The following REG4 variants were observed in gnomAD, a reference collection of about 807,000 sequenced individuals.
REG4 encodes regenerating islet-derived protein 4.
Under a neutral mutation model 22.3 loss-of-function variants are expected in REG4, and 16 were observed. That is an observed-to-expected ratio of 0.72 (90% CI 0.49 to 1.09). The LOEUF is 1.09. REG4 is among the 50% of genes least tolerant of loss of function. REG4 has a pLI of 0.00. For missense variants in REG4, 214 were observed against 193.9 expected (o/e 1.10, Z -0.61); for synonymous variants, 71 against 69.2 (o/e 1.03, Z -0.13).
At chr1:119,808,167 T>C (rs1368036976) in intron 2 of REG4, among the ~76,000 whole-genome samples, 3 of 152,232 alleles carry the variant, frequency 2.0e-5, no homozygotes, top group Non-Finnish European at 4.4e-5. Flanking sequence ...TCTTCTTAGC[T>C]CACTCGTACA....
intron 4 of REG4, among the ~76,000 whole-genome samples, chr1:119,799,191 C>G (rs138981411): frequency 1.3e-3 from 201 of 152,018 alleles, no homozygotes; most frequent in African/African-American, 4.6e-3. Flanking sequence ...GACCCCACAC[C>G]TAGACCTCAT....
chr1:119,795,811 G>A (rs1356161770), intron 5 of REG4, among the ~76,000 whole-genome samples: 1 of 152,254 alleles, frequency 6.6e-6, no homozygotes, highest in African/African-American at 2.4e-5. Flanking sequence ...CAAGCTTGTG[G>A]GTACTTTCAC....
intron 2 of REG4, among the ~76,000 whole-genome samples, chr1:119,805,285 C>T (rs1428882189): frequency 2.0e-5 from 3 of 152,096 alleles, no homozygotes; most frequent in Non-Finnish European, 2.9e-5. Context: ...GGGACAGCTG[C>T]GAAAACATGC....
Position 119,799,755 on chromosome 1 carries a change from C to T in REG4, c.273G>A (p.Pro91=), listed in dbSNP as rs587773650. 20 of 1,614,100 alleles carry T rather than the reference C, an allele frequency of 1.2e-5. No homozygotes were observed. Among genetic ancestry groups the T allele is most frequent in the East Asian group, 1.1e-4 (5 of 44,882 alleles). The change falls in exon 4 of 6, where the codon CCG becomes CCA. Residue 91 remains proline, a synonymous_variant. Transcript: ENST00000256585. ...EYISGYQRSQ[P]IWIGLHDPQK... is the part of the protein sequence containing the mutation. ...GTGGGTCGTGCAGGCCAATCCATAT[C>T]GGCTGGCTTCTCTGATAGCCACTTA...
At chr1:119,796,668 G>T (rs1393172016) in intron 5 of REG4, among the ~76,000 whole-genome samples, 2 of 152,146 alleles carry the variant, frequency 1.3e-5, no homozygotes, top group African/African-American at 4.8e-5. Flanking sequence ...TCAAATCCTT[G>T]CTTCATTCCT....
At chr1:119,799,006 T>C (rs979721954) in intron 4 of REG4, among the ~76,000 whole-genome samples, 1 of 152,142 alleles carries the variant, frequency 6.6e-6, no homozygotes, top group African/African-American at 2.4e-5. Flanking sequence ...CCATAAGATG[T>C]TTATAGACAA....
intron 2 of REG4, among the ~76,000 whole-genome samples, chr1:119,808,256 A>T (rs1197461639): frequency 6.6e-6 from 1 of 152,076 alleles, no homozygotes; most frequent in Non-Finnish European, 1.5e-5. Flanking sequence ...TTTGCACTTG[A>T]TGTGTGATCT....
In REG4 at chr1:119,804,830, T is replaced by C. The variant is rs1654242728; in HGVS notation, c.68-1665A>G. Among the ~76,000 whole-genome samples, 6 of 152,296 alleles carry C rather than the reference T, an allele frequency of 3.9e-5. No homozygotes were observed. The South Asian group carries it at 1.2e-3, about 32-fold the overall frequency. ...CTGTGACTGTTTTCTGCTCTCATTC[T>C]TTTTTCTCCCCCTCCTCCTTCCTCA... On this transcript the variant is annotated intron_variant, in intron 2 of 5. Coordinates refer to ENST00000256585, the MANE Select transcript of REG4 (RefSeq NM_032044.4).
intron 3 of REG4, chr1:119,802,215 T>A: frequency 2.0e-6 from 1 of 493,328 alleles, no homozygotes; most frequent in Non-Finnish European, 2.6e-6. Flanking sequence ...TGTCAGTTAC[T>A]CTCAGTGTAA....
chr1:119,808,428 AT>A (rs1400396791), intron 2 of REG4, among the ~76,000 whole-genome samples: 1 of 152,238 alleles, frequency 6.6e-6, no homozygotes, highest in Non-Finnish European at 1.5e-5. Flanking sequence ...TTTCAAACAC[AT>A]TATCTCTGCC....
At position 119,799,960 on chromosome 1, in the gene REG4, G is replaced by A; in HGVS notation, c.166-98C>T. The stretch of plus-strand genomic sequence containing the variant: ...GTGCCAAGAAGGAGGGACTCACGCA[G>A]CCCCCACTTCCTCCACACATCGTGC... On this transcript the variant is annotated intron_variant, in intron 3 of 5. Transcript: ENST00000256585. 4 of 1,452,100 alleles carry A rather than the reference G, an allele frequency of 2.8e-6. No individual in the cohort carries two copies. In the East Asian group the frequency reaches 6.9e-5, roughly 25 times the overall value. The allele number at this position is 1,452,100 out of a possible 1,614,324, so 90.0% of individuals were successfully genotyped here.
chr1:119,811,396 C>T lies in REG4; in HGVS notation c.-95+13G>A, dbSNP rs2298069. Reference sequence around the variant, plus strand: ...AAAGAAAGTCCCCCATCATCAACCGCGAGGAGGATTACCTGTTTGGCAACC... The same window carrying T: ...AAAGAAAGTCCCCCATCATCAACCGTGAGGAGGATTACCTGTTTGGCAACC... On this transcript the variant is annotated intron_variant, in intron 1 of 5. Coordinates refer to ENST00000256585, the MANE Select transcript of REG4 (RefSeq NM_032044.4). The T allele has an allele frequency of 0.15, 22,410 of 152,118 alleles. 1,766 individuals are homozygous for T. The highest frequency in any genetic ancestry group is 0.25 in the South Asian group (1,190 of 4,816). The allele number at this position is 152,118 out of a possible 1,614,324, so 9.4% of individuals were successfully genotyped here. A position where few individuals can be genotyped will look rare whatever the true frequency, so the allele number is the denominator to read the frequency against.
chr1:119,798,396 T>C (rs2101067019), intron 5 of REG4, 101 bp downstream of exon 5: 1 of 853,194 alleles, frequency 1.2e-6, no homozygotes, highest in East Asian at 2.4e-5. Flanking sequence ...TGGTGTGGAA[T>C]GAGGAGGGCA....
In REG4 at chr1:119,799,826, C is replaced by G; in HGVS notation, c.202G>C (p.Ala68Pro). ...CQSYGNGAHL[A>P]SILSLKEAST... The stretch of plus-strand genomic sequence containing the variant: ...GCTTCCTTTAAACTCAGGATAGATG[C>G]CAGGTGGGCTCCGTTTCCGTAAGAC... The change falls in exon 4 of 6, where the codon GCA (alanine) becomes CCA (proline). Residue 68 changes from alanine (A) to proline (P), a missense_variant. Coordinates refer to ENST00000256585, the MANE Select transcript of REG4 (RefSeq NM_032044.4). 1 of 1,614,136 alleles carries G rather than the reference C, an allele frequency of 6.2e-7. No homozygotes were observed. The highest frequency in any genetic ancestry group is 8.5e-7 in the Non-Finnish European group (1 of 1,180,032).
chr1:119,804,420 C>T (rs749940267), intron 2 of REG4, among the ~76,000 whole-genome samples: 12 of 152,178 alleles, frequency 7.9e-5, no homozygotes, highest in Non-Finnish European at 1.0e-4. Flanking sequence ...GTCCCAGCTC[C>T]GTCTTGGAAC....
chr1:119,799,877 A>G lies in REG4; in HGVS notation c.166-15T>C, dbSNP rs769254624. The G allele has an allele frequency of 1.9e-6, 3 of 1,613,292 alleles. No homozygotes were observed. In the Admixed American group the frequency reaches 5.0e-5, roughly 27 times the overall value. ...TGACACTCGAGCTATGTACAAGGAG[A>G]GGTCCTGTTAATTATGCCTGCATGT... On this transcript the variant is annotated splice_polypyrimidine_tract_variant and intron_variant, in intron 3 of 5. Transcript: ENST00000256585.
At position 119,799,409 on chromosome 1, in the gene REG4, TACACACACACAC is replaced by T. The variant is rs58324924; in HGVS notation, c.303+304_303+315del. Among the ~76,000 whole-genome samples the T allele has an allele frequency of 8.5e-3, 1,285 of 150,322 alleles. 16 individuals are homozygous for T. The highest frequency in any genetic ancestry group is 0.022 in the African/African-American group (896 of 40,992). ...CTGTCTCATAATAGGCCTGTGTGCG[TACACACACACAC>T]ACACACACACACACACACACACACA... On this transcript the variant is annotated intron_variant, in intron 4 of 5. Transcript: ENST00000256585.
At position 119,798,614 on chromosome 1, in the gene REG4, G is replaced by A; in HGVS notation, c.304-12C>T. ...TGCCACTGCTGCCTCTGCAACAACA[G>A]GAGATGGAGAAGTGTACAGCTCAGC... On this transcript the variant is annotated splice_polypyrimidine_tract_variant and intron_variant, in intron 4 of 5. Coordinates refer to ENST00000256585, the MANE Select transcript of REG4 (RefSeq NM_032044.4). 3 of 1,611,214 alleles carry A rather than the reference G, an allele frequency of 1.9e-6. No individual in the cohort carries two copies. The highest frequency in any genetic ancestry group is 4.5e-5 in the East Asian group (2 of 44,874).
chr1:119,798,851 T>G (rs587626604), intron 4 of REG4, among the ~76,000 whole-genome samples: 2 of 152,302 alleles, frequency 1.3e-5, no homozygotes, highest in South Asian at 4.1e-4. Flanking sequence ...TTCTGATTGA[T>G]AGCAATGTGA....
Sources: allele counts gnomAD v4.1 joint callset (sites outside exome capture counted in the v4.1 genomes callset), GRCh38; gene constraint gnomAD v4.1.1; transcripts MANE v1.5; gene names NCBI Gene and HGNC (gene_info 2026-07-23, HGNC 2026-07-21).